HS3ST4: variants seen among roughly 807,000 people sequenced by gnomAD.
HS3ST4 encodes heparan sulfate-glucosamine 3-sulfotransferase 4, also known as heparan sulfate glucosamine 3-O-sulfotransferase 4.
A neutral mutation model predicts 29.2 loss-of-function variants in HS3ST4; 17 were observed. The ratio of observed to expected loss-of-function variants is 0.58; its 90% CI spans 0.40 to 0.87. HS3ST4 has a LOEUF of 0.87. Among genes scored for constraint, HS3ST4 ranks in the 40% least tolerant of loss-of-function variants. The pLI is 0.00. For missense variants in HS3ST4, 627 were observed against 634.5 expected (o/e 0.99, Z 0.13); for synonymous variants, 314 against 285.7 (o/e 1.10, Z -1.00).
intron 1 of HS3ST4, among the ~76,000 whole-genome samples, chr16:25,765,254 T>C (rs948981906): frequency 6.6e-6 from 1 of 152,238 alleles, no homozygotes; most frequent in African/African-American, 2.4e-5. Context: ...GAAATTCTGT[T>C]CCACTGAATT....
chr16:25,715,509 G>A (rs1314155394), intron 1 of HS3ST4, among the ~76,000 whole-genome samples: 2 of 152,176 alleles, frequency 1.3e-5, no homozygotes, highest in Non-Finnish European at 2.9e-5. Context: ...ATTATTTAGA[G>A]TTTAGTTTCT....
At chr16:26,124,232 A>C (rs1899313852) in intron 1 of HS3ST4, among the ~76,000 whole-genome samples, 1 of 152,126 alleles carries the variant, frequency 6.6e-6, no homozygotes, top group Non-Finnish European at 1.5e-5. Context: ...AAAACTTTTT[A>C]AGGGCAAGGT....
At chr16:26,087,340 T>C (rs1251958456) in intron 1 of HS3ST4, among the ~76,000 whole-genome samples, 1 of 152,140 alleles carries the variant, frequency 6.6e-6, no homozygotes, top group Non-Finnish European at 1.5e-5. Context: ...GGAAAGTAAA[T>C]AATGAACCAC....
At chr16:25,845,936 C>T (rs941593283) in intron 1 of HS3ST4, among the ~76,000 whole-genome samples, 1 of 151,892 alleles carries the variant, frequency 6.6e-6, no homozygotes, top group Non-Finnish European at 1.5e-5. Context: ...TGTTAGGGTC[C>T]CTGTTTTGCT....
At chr16:25,731,420 A>G (rs1966569286) in intron 1 of HS3ST4, among the ~76,000 whole-genome samples, 1 of 152,128 alleles carries the variant, frequency 6.6e-6, no homozygotes, top group African/African-American at 2.4e-5. Context: ...GGTTCACTGC[A>G]GCCTCAACCT....
chr16:25,873,658 G>GTCCA (rs748088571), intron 1 of HS3ST4, among the ~76,000 whole-genome samples: 7,905 of 84,384 alleles, frequency 0.094, 261 homozygotes, highest in Non-Finnish European at 0.12. Flanking sequence ...CCATCCGTCC[G>GTCCA]TCCATCCATC....
chr16:25,887,743 T>G (rs923260331), intron 1 of HS3ST4, among the ~76,000 whole-genome samples: 1 of 143,002 alleles, frequency 7.0e-6, no homozygotes, highest in East Asian at 2.1e-4. Flanking sequence ...CATCACCCAG[T>G]CTGGAGTGCA....
intron 1 of HS3ST4, among the ~76,000 whole-genome samples, chr16:25,827,535 A>C (rs1390152260): frequency 2.8e-5 from 4 of 143,980 alleles, no homozygotes; most frequent in Admixed American, 6.8e-5. Context: ...TGTCTTCACA[A>C]AAAAAAAAAA....
chr16:25,724,029 G>T lies in HS3ST4; in HGVS notation c.734+30878G>T, dbSNP rs900147486. ...CTCAGGAGGCTGAGGCAGCAGAATC[G>T]CTTGAACCCAGGAGGTGGAGGTTGC... On this transcript the variant is annotated intron_variant, in intron 1 of 1. Transcript: ENST00000331351. 2.7e-5 allele frequency among the ~76,000 whole-genome samples: 4 copies of T among 146,730 alleles called. No homozygotes were observed. In the East Asian group the frequency reaches 6.2e-4, roughly 23 times the overall value.
At chr16:25,920,604 C>CT (rs1173473332) in intron 1 of HS3ST4, among the ~76,000 whole-genome samples, 1 of 149,870 alleles carries the variant, frequency 6.7e-6, no homozygotes, top group Non-Finnish European at 1.5e-5. Flanking sequence ...CCGCCCCCAC[C>CT]CCTCTTTTTT....
At chr16:25,709,086 C>CTT (rs75953326) in intron 1 of HS3ST4, among the ~76,000 whole-genome samples, 10 of 142,612 alleles carry the variant, frequency 7.0e-5, no homozygotes, top group Admixed American at 2.8e-4. Context: ...TTGGGGATAT[C>CTT]TTTTTTTTTT....
At chr16:26,004,224 C>A (rs1191690608) in intron 1 of HS3ST4, among the ~76,000 whole-genome samples, 1 of 152,104 alleles carries the variant, frequency 6.6e-6, no homozygotes, top group Non-Finnish European at 1.5e-5. Context: ...AGATATCCAG[C>A]AGTAAGGGGT....
At chr16:26,053,284 G>C (rs1898367477) in intron 1 of HS3ST4, among the ~76,000 whole-genome samples, 3 of 152,192 alleles carry the variant, frequency 2.0e-5, no homozygotes, top group Admixed American at 6.5e-5. Context: ...AATTAAGTGA[G>C]ATAAGTCATT....
At chr16:25,850,626 G>C (rs1344417647) in intron 1 of HS3ST4, among the ~76,000 whole-genome samples, 2 of 152,146 alleles carry the variant, frequency 1.3e-5, no homozygotes, top group Non-Finnish European at 2.9e-5. Flanking sequence ...AGCTCCCACA[G>C]CTCTCCCCAA....
At chr16:25,777,079 G>T (rs1966848157) in intron 1 of HS3ST4, among the ~76,000 whole-genome samples, 1 of 152,074 alleles carries the variant, frequency 6.6e-6, no homozygotes, top group Non-Finnish European at 1.5e-5. Flanking sequence ...TTCCTATAGT[G>T]CTTCGTCACT....
intron 1 of HS3ST4, among the ~76,000 whole-genome samples, chr16:26,065,839 C>G (rs1898535891): frequency 6.6e-6 from 1 of 152,208 alleles, no homozygotes; most frequent in Admixed American, 6.5e-5. Context: ...ACACCTTAGA[C>G]TACTGACAAT....
chr16:26,113,377 T>C (rs748117503), intron 1 of HS3ST4, among the ~76,000 whole-genome samples: 38 of 146,294 alleles, frequency 2.6e-4, no homozygotes, highest in African/African-American at 4.3e-4. Flanking sequence ...AACCGGGGGG[T>C]AGAGGTTGCA....
intron 1 of HS3ST4, among the ~76,000 whole-genome samples, chr16:25,922,645 T>C (rs745356781): frequency 6.6e-6 from 1 of 152,258 alleles, no homozygotes; most frequent in Non-Finnish European, 1.5e-5. Flanking sequence ...GCACGCTGGA[T>C]ACCTGAGTAT....
intron 1 of HS3ST4, among the ~76,000 whole-genome samples, chr16:26,111,505 G>C (rs1899128812): frequency 6.6e-6 from 1 of 151,334 alleles, no homozygotes; most frequent in Non-Finnish European, 1.5e-5. Flanking sequence ...TAGAACATAA[G>C]CATATTGAAG....
Sources: allele counts gnomAD v4.1 joint callset (sites outside exome capture counted in the v4.1 genomes callset), GRCh38; gene constraint gnomAD v4.1.1; transcripts MANE v1.5; gene names NCBI Gene and HGNC (gene_info 2026-07-23, HGNC 2026-07-21).